UBXN7: variants seen among roughly 807,000 people sequenced by gnomAD.
UBXN7 encodes UBX domain protein 7.
UBXN7 carries 9 observed loss-of-function variants against 58.0 expected under a neutral mutation model. The observed-to-expected ratio is 0.16, with a 90% CI of 0.09 to 0.27. UBXN7 has a LOEUF of 0.27. Ranked by LOEUF, UBXN7 falls within the 10% of genes least tolerant of loss-of-function variation. The pLI, the probability that UBXN7 is intolerant of heterozygous loss-of-function variation, is 1.00. For synonymous variants in UBXN7, 208 were observed against 205.0 expected (o/e 1.01, Z -0.12); for missense variants, 328 against 599.6 (o/e 0.55, Z 4.73).
At chr3:196,366,801 A>G (rs1006731529) in intron 8 of UBXN7, among the ~76,000 whole-genome samples, 1 of 152,104 alleles carries the variant, frequency 6.6e-6, no homozygotes, top group Non-Finnish European at 1.5e-5. Context: ...AGGTGGAAGG[A>G]TCGCTTGAGC....
chr3:196,382,853 T>C (rs1729248233), intron 5 of UBXN7, among the ~76,000 whole-genome samples: 1 of 152,088 alleles, frequency 6.6e-6, no homozygotes, highest in Admixed American at 6.6e-5. Flanking sequence ...CAATGGCTCA[T>C]GCCTGTAATC....
In UBXN7 at chr3:196,410,265, A is replaced by G. The variant is rs193047430; in HGVS notation, c.74-2872T>C. 4.6e-5 allele frequency among the ~76,000 whole-genome samples: 7 copies of G among 152,238 alleles called. No homozygotes were observed. The East Asian group carries it at 1.4e-3, about 29-fold the overall frequency. Reference sequence around the variant, plus strand: ...TAAAAAATGTTTTTTAAATACATACATTCTTCAGCACTTTTTTTCTCAGCA... The same window carrying G: ...TAAAAAATGTTTTTTAAATACATACGTTCTTCAGCACTTTTTTTCTCAGCA... On this transcript the variant is annotated intron_variant, in intron 1 of 10. Coordinates refer to ENST00000296328, the MANE Select transcript of UBXN7 (RefSeq NM_015562.2).
intron 1 of UBXN7, among the ~76,000 whole-genome samples, chr3:196,425,882 T>C (rs952003504): frequency 8.5e-5 from 13 of 152,152 alleles, no homozygotes; most frequent in Non-Finnish European, 1.9e-4. Flanking sequence ...TGCTCCAGTA[T>C]TAGCTCCTTA....
intron 5 of UBXN7, among the ~76,000 whole-genome samples, chr3:196,375,958 G>A (rs1469825419): frequency 6.6e-6 from 1 of 152,214 alleles, no homozygotes; most frequent in Admixed American, 6.5e-5. Context: ...GAATCTGGGA[G>A]GCAGAGGTTG....
chr3:196,389,333 A>T (rs1390187247), intron 5 of UBXN7, among the ~76,000 whole-genome samples: 3 of 152,202 alleles, frequency 2.0e-5, no homozygotes, highest in Non-Finnish European at 4.4e-5. Flanking sequence ...GAACAGCAAT[A>T]ATTTCTTCAA....
At chr3:196,417,751 A>C (rs1366720181) in intron 1 of UBXN7, among the ~76,000 whole-genome samples, 6 of 149,438 alleles carry the variant, frequency 4.0e-5, no homozygotes, top group South Asian at 2.1e-4. Flanking sequence ...AAAAAAAAAA[A>C]AAAAAACCAT....
chr3:196,421,534 G>A (rs1477467225), intron 1 of UBXN7, among the ~76,000 whole-genome samples: 1 of 152,172 alleles, frequency 6.6e-6, no homozygotes, highest in East Asian at 1.9e-4. Flanking sequence ...CACTTTGGGA[G>A]GCTGAGGCAG....
intron 8 of UBXN7, among the ~76,000 whole-genome samples, chr3:196,365,862 C>A (rs1256816542): frequency 1.3e-5 from 2 of 152,054 alleles, no homozygotes; most frequent in Non-Finnish European, 2.9e-5. Flanking sequence ...AAACTCTAGG[C>A]CCATGTAGCT....
At chr3:196,404,041 A>G (rs1045677779) in intron 2 of UBXN7, among the ~76,000 whole-genome samples, 1 of 151,356 alleles carries the variant, frequency 6.6e-6, no homozygotes, top group Non-Finnish European at 1.5e-5. Flanking sequence ...TGAGCCCAGG[A>G]GCTGGAGACC....
chr3:196,363,554 C>T (rs1728571228), intron 8 of UBXN7, among the ~76,000 whole-genome samples: 1 of 151,982 alleles, frequency 6.6e-6, no homozygotes, highest in African/African-American at 2.4e-5. Context: ...AAAGCTAGGC[C>T]TCTTGCACCA....
intron 1 of UBXN7, among the ~76,000 whole-genome samples, chr3:196,421,021 T>C (rs934019674): frequency 6.6e-6 from 1 of 152,150 alleles, no homozygotes; most frequent in African/African-American, 2.4e-5. Context: ...AGCTAAACTA[T>C]TTGCCAAGGA....
At chr3:196,382,697 T>C (rs1039059908) in intron 5 of UBXN7, among the ~76,000 whole-genome samples, 2 of 151,972 alleles carry the variant, frequency 1.3e-5, no homozygotes, top group African/African-American at 2.4e-5. Context: ...GACTGGCAAA[T>C]TGGATAAAGA....
chr3:196,373,670 A>C (rs1005433647), intron 5 of UBXN7, among the ~76,000 whole-genome samples: 8 of 149,200 alleles, frequency 5.4e-5, no homozygotes, highest in Non-Finnish European at 1.2e-4. Flanking sequence ...ATCATCTCAC[A>C]AATAGCTTTT....
Position 196,356,039 on chromosome 3 carries a change from ATG to A in UBXN7, c.*644_*645del, listed in dbSNP as rs1236699522. ...TTAACACTCATTCTGCCAATAACAC[ATG>A]TCATGGAAATAGTCCTTATAGCTGG... On this transcript the variant is annotated 3_prime_UTR_variant, in exon 11 of 11. Coordinates refer to ENST00000296328, the MANE Select transcript of UBXN7 (RefSeq NM_015562.2). The A allele has an allele frequency of 1.4e-5, 1 of 72,070 alleles. No individual in the cohort carries two copies. Among genetic ancestry groups the A allele is most frequent in the East Asian group, 6.0e-3 (1 of 168 alleles). The allele number at this position is 72,070 out of a possible 1,614,324, so 4.5% of individuals were successfully genotyped here.
chr3:196,398,609 A>G (rs1341703018), intron 3 of UBXN7, among the ~76,000 whole-genome samples: 1 of 152,166 alleles, frequency 6.6e-6, no homozygotes, highest in Non-Finnish European at 1.5e-5. Flanking sequence ...ATTTTCTAAA[A>G]TCCTGTTTTT....
chr3:196,375,771 G>C (rs28731261), intron 5 of UBXN7, among the ~76,000 whole-genome samples: 1 of 152,230 alleles, frequency 6.6e-6, no homozygotes, highest in East Asian at 1.9e-4. Flanking sequence ...GCTCATGCCT[G>C]TAATCCCAGC....
At chr3:196,374,954 GAAAGAAAAA>G (rs1728957534) in intron 5 of UBXN7, among the ~76,000 whole-genome samples, 2 of 17,514 alleles carry the variant, frequency 1.1e-4, no homozygotes, top group Non-Finnish European at 2.3e-4. Context: ...AGGAAAGAAA[GAAAGAAAAA>G]AAGGAAGGAG....
intron 3 of UBXN7, among the ~76,000 whole-genome samples, chr3:196,395,179 A>G (rs1729731228): frequency 6.6e-6 from 1 of 152,244 alleles, no homozygotes; most frequent in Admixed American, 6.5e-5. Flanking sequence ...GATTAGACAG[A>G]GACTACAGAA....
At position 196,417,748 on chromosome 3, in the gene UBXN7, A is replaced by C. The variant is rs1019712949; in HGVS notation, c.74-10355T>G. On this transcript the variant is annotated intron_variant, in intron 1 of 10. Coordinates refer to ENST00000296328, the MANE Select transcript of UBXN7 (RefSeq NM_015562.2). The stretch of plus-strand genomic sequence containing the variant: ...TTAAAAAAAAAAAAAAAAAAAAAAA[A>C]AAAAAAAAACCATCTCTACAAAAAA... Among the ~76,000 whole-genome samples, 5 of 148,908 alleles carry C rather than the reference A, an allele frequency of 3.4e-5. 1 individual carries two copies. The highest frequency in any genetic ancestry group is 7.4e-5 in the African/African-American group (3 of 40,702).
Sources: gnomAD v4.1 joint callset for allele counts (sites outside exome capture counted in the v4.1 genomes callset) on GRCh38, gnomAD v4.1.1 for gene constraint, MANE v1.5 for transcripts, NCBI Gene and HGNC (gene_info 2026-07-23, HGNC 2026-07-21) for gene names.